Variants in FGF12 observed in about 807,000 individuals in gnomAD.
FGF12 encodes fibroblast growth factor 12, also known as fibroblast growth factor 12B.
A neutral mutation model predicts 23.6 loss-of-function variants in FGF12; 14 were observed. The ratio of observed to expected loss-of-function variants is 0.59; its 90% CI spans 0.39 to 0.93. The LOEUF is 0.93. Ranked by LOEUF, FGF12 falls within the 40% of genes least tolerant of loss-of-function variation. The pLI is 0.00. For synonymous variants in FGF12, 62 were observed against 77.3 expected (o/e 0.80, Z 1.04); for missense variants, 175 against 217.8 (o/e 0.80, Z 1.24).
intron 2 of FGF12, among the ~76,000 whole-genome samples, chr3:192,725,453 G>C (rs546240988): frequency 6.6e-6 from 1 of 152,188 alleles, no homozygotes; most frequent in African/African-American, 2.4e-5. Context: ...GTATTTCTGA[G>C]ATTCTTTCTC....
chr3:192,378,913 C>T (rs1719692768), intron 2 of FGF12, among the ~76,000 whole-genome samples: 1 of 152,124 alleles, frequency 6.6e-6, no homozygotes. Context: ...CTCCTCCGAA[C>T]CTCCACCCTC....
At chr3:192,429,793 G>GA (rs34269435) in intron 2 of FGF12, among the ~76,000 whole-genome samples, 78,161 of 151,568 alleles carry the variant, frequency 0.52, 20,582 homozygotes, top group Non-Finnish European at 0.57. Context: ...CGCCATTCTG[G>GA]AAAAAAAATG....
At chr3:192,190,896 C>G (rs1312093851) in intron 4 of FGF12, among the ~76,000 whole-genome samples, 1 of 152,142 alleles carries the variant, frequency 6.6e-6, no homozygotes, top group African/African-American at 2.4e-5. Context: ...TATAAAGTAT[C>G]ACGTATGTGC....
chr3:192,619,153 A>T (rs1201401724), intron 2 of FGF12, among the ~76,000 whole-genome samples: 1 of 152,034 alleles, frequency 6.6e-6, no homozygotes, highest in African/African-American at 2.4e-5. Flanking sequence ...GCATGTTATT[A>T]GATTTTTTAA....
At chr3:192,485,864 C>A (rs1723618505) in intron 2 of FGF12, among the ~76,000 whole-genome samples, 1 of 151,946 alleles carries the variant, frequency 6.6e-6, no homozygotes, top group East Asian at 1.9e-4. Flanking sequence ...ATTAATATTG[C>A]TAATTTAGAT....
chr3:192,439,355 C>T (rs1195350725), intron 2 of FGF12, among the ~76,000 whole-genome samples: 1 of 152,290 alleles, frequency 6.6e-6, no homozygotes, highest in East Asian at 1.9e-4. Context: ...CTCTTTTACC[C>T]ATCCTCAGGG....
intron 2 of FGF12, among the ~76,000 whole-genome samples, chr3:192,639,548 G>GT (rs1174994069): frequency 6.6e-6 from 1 of 152,176 alleles, no homozygotes; most frequent in African/African-American, 2.4e-5. Context: ...TGGAAACAAT[G>GT]TAAGTGTCCA....
intron 2 of FGF12, among the ~76,000 whole-genome samples, chr3:192,483,833 C>T (rs185295437): frequency 9.6e-4 from 146 of 152,244 alleles, no homozygotes; most frequent in African/African-American, 3.2e-3. Context: ...AGTAACCCAT[C>T]TAACAATCAC....
At chr3:192,253,050 G>C (rs138643277) in intron 4 of FGF12, among the ~76,000 whole-genome samples, 1 of 152,068 alleles carries the variant, frequency 6.6e-6, no homozygotes, top group Non-Finnish European at 1.5e-5. Context: ...GGTTATTTCT[G>C]ACCAATGGCA....
intron 2 of FGF12, among the ~76,000 whole-genome samples, chr3:192,601,855 T>C (rs1432001304): frequency 1.3e-5 from 2 of 152,146 alleles, no homozygotes; most frequent in African/African-American, 2.4e-5. Flanking sequence ...TTATACAATA[T>C]TTTTCAGGGA....
intron 4 of FGF12, among the ~76,000 whole-genome samples, chr3:192,285,515 A>G (rs1376707505): frequency 1.3e-5 from 2 of 152,010 alleles, no homozygotes; most frequent in Admixed American, 6.6e-5. Flanking sequence ...AAAATGGCCT[A>G]TGTAAATAAG....
At position 192,360,293 on chromosome 3, in the gene FGF12, G is replaced by C. The variant is rs1718659109; in HGVS notation, c.124+135C>G. On this transcript the variant is annotated intron_variant, in intron 3 of 5. Coordinates refer to ENST00000445105, the MANE Select transcript of FGF12 (RefSeq NM_004113.6). The surrounding 1 kb of genome is among the most constrained non-coding windows in gnomAD (Gnocchi z 4.3). ...TCATAGCAAGAAGGATAAAGGAAAA[G>C]ACACTAGCTTACTAATAGTTAAATA... is the stretch of plus-strand genomic sequence containing the variant. 1 of 645,678 alleles carries C rather than the reference G, an allele frequency of 1.5e-6. No individual in the cohort carries two copies. The highest frequency in any genetic ancestry group is 2.7e-5 in the Admixed American group (1 of 37,582). The allele number at this position is 645,678 out of a possible 1,614,324, so 40.0% of individuals were successfully genotyped here. A position where few individuals can be genotyped will look rare whatever the true frequency, so the allele number is the denominator to read the frequency against.
Position 192,373,584 on chromosome 3 carries a change from AT to A in FGF12, c.14-13047del, listed in dbSNP as rs1442506038. Among the ~76,000 whole-genome samples the A allele has an allele frequency of 2.6e-5, 4 of 152,242 alleles. No individual in the cohort carries two copies. The East Asian group carries it at 7.7e-4, about 29-fold the overall frequency. ...CAATTAATTTATTACTTGATATTAC[AT>A]CACACAAAAGAGCACTGAAAATATT... On this transcript the variant is annotated intron_variant, in intron 2 of 5. Transcript: ENST00000445105.
At chr3:192,401,055 T>C (rs945011500) in intron 2 of FGF12, among the ~76,000 whole-genome samples, 2 of 152,212 alleles carry the variant, frequency 1.3e-5, no homozygotes, top group Non-Finnish European at 2.9e-5. Flanking sequence ...TACAATGAAA[T>C]TTTTCAAATA....
At chr3:192,643,780 T>G (rs1255006039) in intron 2 of FGF12, among the ~76,000 whole-genome samples, 1 of 152,208 alleles carries the variant, frequency 6.6e-6, no homozygotes, top group African/African-American at 2.4e-5. Context: ...GAAAAGACTA[T>G]CAAATAAGGG....
At position 192,344,652 on chromosome 3, in the gene FGF12, T is replaced by C. The variant is rs912094197; in HGVS notation, c.125-9188A>G. Among the ~76,000 whole-genome samples the C allele has an allele frequency of 3.3e-5, 5 of 152,282 alleles. No homozygotes were observed. The East Asian group carries it at 9.6e-4, about 29-fold the overall frequency. On this transcript the variant is annotated intron_variant, in intron 3 of 5. Transcript: ENST00000445105. ...TTGGCTGACAGCATACACTGTGGGT[T>C]TTCAGCATAACAAAAATGAGCAGCA...
intron 4 of FGF12, among the ~76,000 whole-genome samples, chr3:192,318,435 A>G (rs143761352): frequency 2.6e-5 from 4 of 152,212 alleles, no homozygotes; most frequent in African/African-American, 7.2e-5. Context: ...CGCAACTGAC[A>G]TAGTGAAGAA....
intron 4 of FGF12, among the ~76,000 whole-genome samples, chr3:192,256,531 G>A (rs1360525477): frequency 6.6e-6 from 1 of 151,752 alleles, no homozygotes; most frequent in East Asian, 1.9e-4. Context: ...GAAATGATGT[G>A]CTCTATACTA....
At chr3:192,251,759 G>A (rs1712027874) in intron 4 of FGF12, among the ~76,000 whole-genome samples, 1 of 151,988 alleles carries the variant, frequency 6.6e-6, no homozygotes, top group Admixed American at 6.6e-5. Flanking sequence ...CATATAGTAT[G>A]ATCCTATTTA....
Sources: gnomAD v4.1 joint callset for allele counts (sites outside exome capture counted in the v4.1 genomes callset) on GRCh38, gnomAD v4.1.1 for gene constraint, Gnocchi (gnomAD v3.1) non-coding constraint, MANE v1.5 for transcripts, NCBI Gene and HGNC (gene_info 2026-07-23, HGNC 2026-07-21) for gene names.